The following ATG2A variants were observed in gnomAD, a reference collection of about 807,000 sequenced individuals.
The protein encoded by ATG2A is autophagy related 2A.
Under a neutral mutation model 214.2 loss-of-function variants are expected in ATG2A, and 103 were observed. The ratio of observed to expected loss-of-function variants is 0.48; its 90% CI spans 0.41 to 0.57. ATG2A has a LOEUF of 0.57. Among genes scored for constraint, ATG2A ranks in the 20% least tolerant of loss-of-function variants. The pLI, the probability that ATG2A is intolerant of heterozygous loss-of-function variation, is 0.00. For missense variants in ATG2A, 2,312 were observed against 2,613.2 expected (o/e 0.88, Z 2.51); for synonymous variants, 1,160 against 1,142.1 (o/e 1.02, Z -0.32).
rs757184236 is a variant in ATG2A, at chr11:64,903,470, G to A, written c.3536-106C>T. On this transcript the variant is annotated intron_variant, in intron 25 of 40. Coordinates refer to ENST00000377264, the MANE Select transcript of ATG2A (RefSeq NM_015104.3). The surrounding 1 kb of genome is among the most constrained non-coding windows in gnomAD (Gnocchi z 4.2). ...GATCCAGGTGTAGTCCCTGCTGTGCGGGCTACGTGTGGGAGCTAAGGACCC... is the reference window on the plus strand; with the variant it reads ...GATCCAGGTGTAGTCCCTGCTGTGCAGGCTACGTGTGGGAGCTAAGGACCC... 42 of 1,498,724 alleles carry A rather than the reference G, an allele frequency of 2.8e-5. No homozygotes were observed. The highest frequency in any genetic ancestry group is 3.6e-5 in the Non-Finnish European group (40 of 1,096,110). The allele number at this position is 1,498,724 out of a possible 1,614,324, so 92.8% of individuals were successfully genotyped here. A position where few individuals can be genotyped will look rare whatever the true frequency, so the allele number is the denominator to read the frequency against.
rs371609755 is a variant in ATG2A, at chr11:64,898,183, G to T, written c.4774-13C>A. ...AGAAGAGGGCATCCTGCAAGGGAGA[G>T]GTCCAGATGTGGATCAGACTCAGAG... On this transcript the variant is annotated splice_polypyrimidine_tract_variant and intron_variant, in intron 33 of 40. Coordinates refer to ENST00000377264, the MANE Select transcript of ATG2A (RefSeq NM_015104.3). This position sits in a 1 kb window ranked among gnomAD's most constrained non-coding sequence, Gnocchi z 4.5. 2 of 1,613,842 alleles carry T rather than the reference G, an allele frequency of 1.2e-6. No homozygotes were observed. Among genetic ancestry groups the T allele is most frequent in the Non-Finnish European group, 8.5e-7 (1 of 1,179,920 alleles).
rs200472271 is a variant in ATG2A at position 64,903,689 on chromosome 11, C to T, written c.3465-29G>A. 41 of 1,542,450 alleles carry T rather than the reference C, an allele frequency of 2.7e-5. No individual in the cohort carries two copies. The East Asian group carries it at 7.4e-4, about 28-fold the overall frequency. On this transcript the variant is annotated intron_variant, in intron 24 of 40. Transcript: ENST00000377264. This position sits in a 1 kb window ranked among gnomAD's most constrained non-coding sequence, Gnocchi z 4.2. Reference sequence around the variant, plus strand: ...GGGGGGAACAGGGCTGAGAAGGGCCCGGGCACCGCTGCAGGGGGCAGCTCC... The same window carrying T: ...GGGGGGAACAGGGCTGAGAAGGGCCTGGGCACCGCTGCAGGGGGCAGCTCC...
At chr11:64,899,165 A>T (rs1944265581) in intron 31 of ATG2A, among the ~76,000 whole-genome samples, 2 of 151,862 alleles carry the variant, frequency 1.3e-5, no homozygotes, top group Non-Finnish European at 2.9e-5. Flanking sequence ...TCGTCCTCCC[A>T]AAGTGCTGGG....
intron 19 of ATG2A, 88 bp from the exon 20 acceptor site, chr11:64,906,903 C>A: frequency 6.8e-7 from 1 of 1,464,228 alleles, no homozygotes; most frequent in South Asian, 1.3e-5. Flanking sequence ...GGAGCCCTGG[C>A]CTAAGGGGGT....
chr11:64,905,411 G>T, intron 24 of ATG2A, 152 bp downstream of exon 24: 1 of 830,906 alleles, frequency 1.2e-6, no homozygotes, highest in Non-Finnish European at 1.9e-6. Context: ...GGCTCCAACT[G>T]CCCTCTAGAA....
Position 64,914,322 on chromosome 11 carries a change from C to T in ATG2A, c.334+16G>A, listed in dbSNP as rs780165762. ...CTCTCCCCACTTGCCTGCCCCCAGC[C>T]TCGCCCTGCCCTCACCTGGACCCCG... On this transcript the variant is annotated intron_variant, in intron 2 of 40. Coordinates refer to ENST00000377264, the MANE Select transcript of ATG2A (RefSeq NM_015104.3). 1 of 1,583,196 alleles carries T rather than the reference C, an allele frequency of 6.3e-7. No individual in the cohort carries two copies. Among genetic ancestry groups the T allele is most frequent in the South Asian group, 1.1e-5 (1 of 87,378 alleles).
intron 19 of ATG2A, 138 bp downstream of exon 19, chr11:64,907,117 T>TGGCGTGGGTGGGCTGGCGCTGCCCACTC: frequency 9.5e-7 from 1 of 1,052,206 alleles, no homozygotes; most frequent in Non-Finnish European, 1.3e-6. Flanking sequence ...GTGGGCAGGC[T>TGGCGTGGGTGGGCTGGCGCTGCCCACTC]GGCGTGGGTG....
Position 64,911,107 on chromosome 11 carries a change from G to A in ATG2A, c.1397C>T (p.Pro466Leu), listed in dbSNP as rs765646215. ...GTGATGGAAGTCTCGGGAACCGAAG[G>A]GCCCATCCTTGGTGGCATCAAACTC... ...FTEFDATKDG[P>L]FGSRDFHHLR... The change falls in exon 10 of 41, where the codon CCC becomes CTC. Residue 466 changes from proline (P) to leucine (L), a missense_variant. Physicochemically the swap from Pro to Leu is moderately conservative, Grantham distance 98 (BLOSUM62 -3). Coordinates refer to ENST00000377264, the MANE Select transcript of ATG2A (RefSeq NM_015104.3). 2.5e-6 allele frequency: 4 copies of A among 1,614,008 alleles called. No homozygotes were observed. The highest frequency in any genetic ancestry group is 2.2e-5 in the East Asian group (1 of 44,900).
Position 64,895,328 on chromosome 11 carries a change from G to A in ATG2A, c.5542C>T (p.Arg1848Trp), listed in dbSNP as rs1269151342. The A allele has an allele frequency of 7.4e-6, 12 of 1,613,346 alleles. No individual in the cohort carries two copies. Among genetic ancestry groups the A allele is most frequent in the Non-Finnish European group, 9.3e-6 (11 of 1,179,882 alleles). The change falls in exon 40 of 41, where the codon CGG becomes TGG. Residue 1848 changes from arginine (R) to tryptophan (W), a missense_variant. Transcript: ENST00000377264. This position sits in a 1 kb window ranked among gnomAD's most constrained non-coding sequence, Gnocchi z 5.0. Reference protein sequence around the residue: ...LRRGQQPADLREGVAKAYDTV... With the variant: ...LRRGQQPADLWEGVAKAYDTV... ...TCGTAGGCCTTGGCCACACCCTCCCGCAGGTCGGCAGGCTGCTGGCCCCTG... is the reference window on the plus strand; with the variant it reads ...TCGTAGGCCTTGGCCACACCCTCCCACAGGTCGGCAGGCTGCTGGCCCCTG...
chr11:64,904,501 C>A (rs1271715469), intron 24 of ATG2A, among the ~76,000 whole-genome samples: 1 of 151,644 alleles, frequency 6.6e-6, no homozygotes, highest in Non-Finnish European at 1.5e-5. Flanking sequence ...GCTGAGATTG[C>A]GCCACTGCAC....
rs535914611 is a variant in ATG2A at position 64,898,464 on chromosome 11, C to G, written c.4672-102G>C. ...CACCCAGCCACCCTGCCTCTGAACA[C>G]GCTGTTCCCTTCGCTAACACAGCCC... On this transcript the variant is annotated intron_variant, in intron 32 of 40. Coordinates refer to ENST00000377264, the MANE Select transcript of ATG2A (RefSeq NM_015104.3). The surrounding 1 kb of genome is among the most constrained non-coding windows in gnomAD (Gnocchi z 4.5). 3.8e-3 allele frequency: 5,024 copies of G among 1,332,202 alleles called. 15 individuals carry two copies. The highest frequency in any genetic ancestry group is 4.7e-3 in the Non-Finnish European group (4,584 of 969,234). The allele number at this position is 1,332,202 out of a possible 1,614,324, so 82.5% of individuals were successfully genotyped here.
At position 64,902,696 on chromosome 11, in the gene ATG2A, G is replaced by A. The variant is rs1259257111; in HGVS notation, c.3613-16C>T. 2.5e-6 allele frequency: 4 copies of A among 1,601,974 alleles called. No individual in the cohort carries two copies. The highest frequency in any genetic ancestry group is 1.1e-5 in the South Asian group (1 of 90,304). ...GTGGCTGGCTCTGCAGGGGCGGGGTGGGGGGAGCAGCTATGTGAACACAGG... is the reference window on the plus strand; with the variant it reads ...GTGGCTGGCTCTGCAGGGGCGGGGTAGGGGGAGCAGCTATGTGAACACAGG... On this transcript the variant is annotated splice_polypyrimidine_tract_variant and intron_variant, in intron 26 of 40. Coordinates refer to ENST00000377264, the MANE Select transcript of ATG2A (RefSeq NM_015104.3).
In ATG2A at chr11:64,907,398, C is replaced by T. The variant is rs762250432; in HGVS notation, c.2689G>A (p.Glu897Lys). 5.7e-6 allele frequency: 9 copies of T among 1,579,378 alleles called. No homozygotes were observed. The highest frequency in any genetic ancestry group is 1.7e-4 in the Middle Eastern group (1 of 6,028). The change falls in exon 19 of 41, where the codon GAG (glutamate) becomes AAG (lysine). Residue 897 changes from glutamate to lysine, a missense_variant. By Grantham distance (56) the Glu-to-Lys change is moderately conservative. Transcript: ENST00000377264. ...CCCACTGAGAAGAAGTGGGCATCCT[C>T]GTCATCCGAGTCCGAGTCTGGGGTG... The part of the protein sequence containing the change: ...DLTPDSDSDD[E>K]DAHFFSVGAS...
At position 64,906,504 on chromosome 11, in the gene ATG2A, G is replaced by A. The variant is rs757538385; in HGVS notation, c.3013C>T (p.His1005Tyr). ...GGAGCGAAACTGGGAAGGTCCAGGT[G>A]ACTGGGCAGCGGGTAGTCATCCACG... The part of the protein sequence containing the change: ...AAVDDYPLPS[H>Y]LDLPSFAPPA... Residue 1005 changes from histidine (H) to tyrosine (Y), a missense_variant, in exon 21 of 41, where the codon CAC (histidine) becomes TAC (tyrosine). Transcript: ENST00000377264. 2 of 1,613,246 alleles carry A rather than the reference G, an allele frequency of 1.2e-6. No individual in the cohort carries two copies. The highest frequency in any genetic ancestry group is 2.2e-5 in the South Asian group (2 of 91,080).
intron 26 of ATG2A, 140 bp from the exon 27 acceptor site, chr11:64,902,820 C>T: frequency 2.7e-6 from 2 of 727,402 alleles, no homozygotes; most frequent in Admixed American, 5.2e-5. Context: ...AGTGGATGAC[C>T]TGCCCAGTAA....
At position 64,906,782 on chromosome 11, in the gene ATG2A, C is replaced by T. The variant is rs755811737; in HGVS notation, c.2866G>A (p.Gly956Arg). The change falls in exon 20 of 41, where the codon GGG becomes AGG. Residue 956 changes from glycine (G) to arginine (R), a missense_variant. By Grantham distance (125) the Gly-to-Arg change is moderately radical. Transcript: ENST00000377264. ...EGGKRLEAVH[G>R]ELVLDMEHGT... is the part of the protein sequence containing the mutation. ...TGCTCCATGTCCAGCACCAGCTCCCCGTGCACAGCCTCCAGCCGCTTCCCA... is the reference window on the plus strand; with the variant it reads ...TGCTCCATGTCCAGCACCAGCTCCCTGTGCACAGCCTCCAGCCGCTTCCCA... The T allele has an allele frequency of 1.2e-5, 20 of 1,613,330 alleles. No individual in the cohort carries two copies. The highest frequency in any genetic ancestry group is 1.7e-4 in the Middle Eastern group (1 of 6,050).
chr11:64,897,752 G>A lies in ATG2A; in HGVS notation c.4995-9C>T, dbSNP rs1437319137. On this transcript the variant is annotated splice_polypyrimidine_tract_variant and intron_variant, in intron 35 of 40. Transcript: ENST00000377264. The stretch of plus-strand genomic sequence containing the variant: ...ACGTGAAGCGGAACTCTCTGGGTAG[G>A]GGAGCAGGAAGAGGGGGTTCTTTGC... The A allele has an allele frequency of 1.2e-6, 2 of 1,614,240 alleles. No homozygotes were observed. Among genetic ancestry groups the A allele is most frequent in the Non-Finnish European group, 8.5e-7 (1 of 1,180,038 alleles).
rs1181364972 is a variant in ATG2A, at chr11:64,895,345, T to C, written c.5525A>G (p.Gln1842Arg). Residue 1842 changes from glutamine to arginine, a missense_variant, in exon 40 of 41, where the codon CAG becomes CGG. Coordinates refer to ENST00000377264, the MANE Select transcript of ATG2A (RefSeq NM_015104.3). This position sits in a 1 kb window ranked among gnomAD's most constrained non-coding sequence, Gnocchi z 5.0. ...KRSARRLRRGQQPADLREGVA... is the reference protein window; with the variant it reads ...KRSARRLRRGRQPADLREGVA... ...ACCCTCCCGCAGGTCGGCAGGCTGC[T>C]GGCCCCTGCGCAGCCTCCGCGCAGA... 3.1e-6 allele frequency: 5 copies of C among 1,613,124 alleles called. No homozygotes were observed. The highest frequency in any genetic ancestry group is 2.2e-5 in the East Asian group (1 of 44,892).
chr11:64,902,959 C>T (rs1295883073), intron 26 of ATG2A, among the ~76,000 whole-genome samples: 5 of 145,386 alleles, frequency 3.4e-5, no homozygotes, highest in Middle Eastern at 3.2e-3. Flanking sequence ...GCATGCCTAG[C>T]GAGGCAGGGC....
Sources: gnomAD v4.1 joint callset for allele counts (sites outside exome capture counted in the v4.1 genomes callset) on GRCh38, gnomAD v4.1.1 for gene constraint, Gnocchi (gnomAD v3.1) non-coding constraint, MANE v1.5 for transcripts, NCBI Gene and HGNC (gene_info 2026-07-23, HGNC 2026-07-21) for gene names.